The following AGMO variants were observed in gnomAD, a reference collection of about 807,000 sequenced individuals.
AGMO encodes glyceryl-ether monooxygenase.
In AGMO, 75 loss-of-function variants were observed where a neutral mutation model predicts 60.2. The observed-to-expected ratio is 1.25, with a 90% CI of 1.03 to 1.51. AGMO has a LOEUF of 1.51. Among genes scored for constraint, AGMO ranks in the 40% most tolerant of loss-of-function variants. The pLI is 0.00. For missense variants in AGMO, 763 were observed against 525.5 expected (o/e 1.45, Z -4.42); for synonymous variants, 261 against 177.1 (o/e 1.47, Z -3.76).
chr7:15,251,774 G>A (rs1199352655), intron 12 of AGMO, among the ~76,000 whole-genome samples: 1 of 152,114 alleles, frequency 6.6e-6, no homozygotes, highest in African/African-American at 2.4e-5. Context: ...GGCACGGGGG[G>A]CAAGTGCAAG....
At chr7:15,481,789 A>ATTTTTTT (rs5882513) in intron 3 of AGMO, among the ~76,000 whole-genome samples, 7 of 98,700 alleles carry the variant, frequency 7.1e-5, no homozygotes, top group African/African-American at 1.5e-4. Flanking sequence ...GACTAAATGT[A>ATTTTTTT]TTTTTTTTTT....
chr7:15,148,346 T>C, the AGMO span, among the ~76,000 whole-genome samples: 5 of 152,184 alleles, frequency 3.3e-5, no homozygotes, highest in African/African-American at 1.2e-4. Context: ...ACTTTTATTT[T>C]AGGTTCAATG....
intron 3 of AGMO, among the ~76,000 whole-genome samples, chr7:15,530,613 C>CTA (rs1270788400): frequency 5.9e-4 from 69 of 116,310 alleles, no homozygotes; most frequent in African/African-American, 2.2e-3. Flanking sequence ...ATACGTATTT[C>CTA]TATATATATA....
chr7:15,477,130 T>TA (rs1782614840), intron 3 of AGMO, among the ~76,000 whole-genome samples: 1 of 145,464 alleles, frequency 6.9e-6, no homozygotes, highest in African/African-American at 2.4e-5. Flanking sequence ...TTTAGAACAT[T>TA]CTTTTTTTTT....
At chr7:15,453,373 A>C (rs1781905639) in intron 3 of AGMO, among the ~76,000 whole-genome samples, 1 of 152,228 alleles carries the variant, frequency 6.6e-6, no homozygotes, top group African/African-American at 2.4e-5. Flanking sequence ...ATTCTAAGTA[A>C]TGTGGACCAA....
chr7:15,523,460 A>G (rs1170305760), intron 3 of AGMO, among the ~76,000 whole-genome samples: 4 of 152,234 alleles, frequency 2.6e-5, no homozygotes, highest in Admixed American at 6.5e-5. Flanking sequence ...AGACTGGATA[A>G]AGAAAATGTG....
intron 8 of AGMO, among the ~76,000 whole-genome samples, chr7:15,388,668 A>T (rs1160588053): frequency 6.6e-6 from 1 of 152,204 alleles, no homozygotes; most frequent in Non-Finnish European, 1.5e-5. Flanking sequence ...AATAATAAGG[A>T]AAACAAACAA....
intron 12 of AGMO, chr7:15,358,199 G>A (rs550242915): frequency 1.6e-5 from 3 of 190,538 alleles, no homozygotes; most frequent in African/African-American, 7.1e-5. Flanking sequence ...GCATGTAACA[G>A]CTACATAGCA....
intron 5 of AGMO, among the ~76,000 whole-genome samples, chr7:15,412,617 G>C (rs1237610551): frequency 7.1e-6 from 1 of 141,272 alleles, no homozygotes; most frequent in Non-Finnish European, 1.5e-5. Context: ...GCTAGCAAAA[G>C]AGAATTTAGA....
intron 3 of AGMO, among the ~76,000 whole-genome samples, chr7:15,524,035 A>G (rs1784063845): frequency 6.6e-6 from 1 of 152,032 alleles, no homozygotes; most frequent in Non-Finnish European, 1.5e-5. Flanking sequence ...CTAGTAGTAA[A>G]CTTTCTGTTT....
intron 12 of AGMO, among the ~76,000 whole-genome samples, chr7:15,321,861 T>C (rs898269305): frequency 4.6e-5 from 7 of 152,106 alleles, no homozygotes; most frequent in Non-Finnish European, 7.4e-5. Context: ...TTAACCTCCA[T>C]ACCAGACTCA....
At chr7:15,191,208 A>G in the AGMO span, among the ~76,000 whole-genome samples, 1 of 152,150 alleles carries the variant, frequency 6.6e-6, no homozygotes, top group Non-Finnish European at 1.5e-5. Flanking sequence ...TGGGAAAGAA[A>G]ATTTTAGACC....
intron 5 of AGMO, among the ~76,000 whole-genome samples, chr7:15,410,596 A>G (rs992778876): frequency 3.9e-5 from 6 of 151,984 alleles, no homozygotes; most frequent in South Asian, 4.1e-4. Flanking sequence ...GTGAATAATC[A>G]TGATGCCTAA....
intron 12 of AGMO, among the ~76,000 whole-genome samples, chr7:15,323,723 C>G (rs891458854): frequency 9.2e-5 from 14 of 152,348 alleles, no homozygotes; most frequent in African/African-American, 3.4e-4. Flanking sequence ...TGCCTCCTGA[C>G]TCTGGGCTTC....
intron 3 of AGMO, among the ~76,000 whole-genome samples, chr7:15,436,631 T>A (rs942493358): frequency 6.6e-6 from 1 of 152,120 alleles, no homozygotes; most frequent in Non-Finnish European, 1.5e-5. Flanking sequence ...TTTAATTTTA[T>A]AAAGAAAATA....
At chr7:15,227,880 T>G (rs966546241) in intron 12 of AGMO, among the ~76,000 whole-genome samples, 16 of 152,098 alleles carry the variant, frequency 1.1e-4, no homozygotes, top group Non-Finnish European at 2.4e-4. Context: ...TCTTTGTAGG[T>G]CAACTTAGAA....
intron 3 of AGMO, among the ~76,000 whole-genome samples, chr7:15,483,699 G>A (rs1204159215): frequency 2.6e-5 from 4 of 151,954 alleles, no homozygotes; most frequent in Non-Finnish European, 5.9e-5. Flanking sequence ...ACTAGATGGA[G>A]GTAAATACCA....
intron 3 of AGMO, among the ~76,000 whole-genome samples, chr7:15,470,158 A>G (rs1275120037): frequency 6.6e-6 from 1 of 152,064 alleles, no homozygotes; most frequent in Non-Finnish European, 1.5e-5. Flanking sequence ...CAAGAAAGAT[A>G]GCATAGCATG....
At chr7:15,127,790 T>C in the AGMO span, among the ~76,000 whole-genome samples, 1 of 152,162 alleles carries the variant, frequency 6.6e-6, no homozygotes, top group Admixed American at 6.6e-5. Context: ...CTTTTAAATA[T>C]TTTATTCTGT....
Sources: allele counts gnomAD v4.1 joint callset (sites outside exome capture counted in the v4.1 genomes callset), GRCh38; gene constraint gnomAD v4.1.1; transcripts MANE v1.5; gene names NCBI Gene and HGNC (gene_info 2026-07-23, HGNC 2026-07-21).